The following CSRNP3 variants were observed in gnomAD, a reference collection of about 807,000 sequenced individuals.
The protein encoded by CSRNP3 is cysteine/serine-rich nuclear protein 3.
Under a neutral mutation model 48.0 loss-of-function variants are expected in CSRNP3, and 12 were observed. The ratio of observed to expected loss-of-function variants is 0.25; its 90% CI spans 0.16 to 0.41. The LOEUF is 0.41. CSRNP3 is among the 10% of genes least tolerant of loss of function. CSRNP3 has a pLI of 1.00. For synonymous variants in CSRNP3, 263 were observed against 269.7 expected (o/e 0.98, Z 0.24); for missense variants, 580 against 724.4 (o/e 0.80, Z 2.29).
intron 4 of CSRNP3, among the ~76,000 whole-genome samples, chr2:165,637,657 G>C (rs1413697621): frequency 6.6e-6 from 1 of 152,192 alleles, no homozygotes; most frequent in Non-Finnish European, 1.5e-5. Context: ...AAGTGCCAGA[G>C]TATAAGATGA....
intron 4 of CSRNP3, among the ~76,000 whole-genome samples, chr2:165,654,569 C>T (rs1686970994): frequency 6.6e-6 from 1 of 152,114 alleles, no homozygotes; most frequent in Non-Finnish European, 1.5e-5. Context: ...AGTTTCTCAT[C>T]ACTGGAATGG....
intron 3 of CSRNP3, among the ~76,000 whole-genome samples, chr2:165,582,582 G>A (rs1273990629): frequency 6.6e-6 from 1 of 152,188 alleles, no homozygotes; most frequent in Non-Finnish European, 1.5e-5. Context: ...TAGGAAGTGG[G>A]TGACCCTGAC....
chr2:165,480,579 T>C (rs1216814191), intron 1 of CSRNP3, among the ~76,000 whole-genome samples: 1 of 151,828 alleles, frequency 6.6e-6, no homozygotes, highest in Non-Finnish European at 1.5e-5. Flanking sequence ...TAGCAATATT[T>C]TTTGCCACAG....
chr2:165,659,777 C>A (rs1687067046), intron 5 of CSRNP3, among the ~76,000 whole-genome samples: 1 of 152,182 alleles, frequency 6.6e-6, no homozygotes, highest in South Asian at 2.1e-4. Context: ...GCACCATAAG[C>A]ACAGCTGGGT....
At position 165,670,118 on chromosome 2, in the gene CSRNP3, C is replaced by T. The variant is rs556103805; in HGVS notation, c.409-6194C>T. Among the ~76,000 whole-genome samples, 23 of 152,278 alleles carry T rather than the reference C, an allele frequency of 1.5e-4. 1 individual carries two copies. The South Asian group carries it at 4.8e-3, about 32-fold the overall frequency. On this transcript the variant is annotated intron_variant, in intron 5 of 6. Transcript: ENST00000651982. The stretch of plus-strand genomic sequence containing the variant: ...TTTATAGGTCAATGACTGTATCATG[C>T]TCTGTCCTATCTCAGGCCTTTGAAA...
At chr2:165,664,278 A>C (rs12692773) in intron 5 of CSRNP3, among the ~76,000 whole-genome samples, 41,993 of 152,176 alleles carry the variant, frequency 0.28, 6,109 homozygotes, top group Non-Finnish European at 0.33. Context: ...CTTGTACCAC[A>C]AAACCAGGAA....
intron 4 of CSRNP3, among the ~76,000 whole-genome samples, chr2:165,642,103 AACACACACACACACACACACAC>A (rs58624766): frequency 7.6e-6 from 1 of 132,104 alleles, no homozygotes; most frequent in Non-Finnish European, 1.7e-5. Context: ...CACACACACA[AACACACACACACACACACACAC>A]ACACACACAC....
chr2:165,593,022 C>T (rs1462142476), intron 3 of CSRNP3, among the ~76,000 whole-genome samples: 9 of 151,734 alleles, frequency 5.9e-5, no homozygotes, highest in Admixed American at 2.6e-4. Context: ...GGGATGGTCT[C>T]GATCTCCTGA....
intron 1 of CSRNP3, among the ~76,000 whole-genome samples, chr2:165,493,824 TAACTATA>T (rs1684251905): frequency 1.3e-5 from 2 of 152,182 alleles, no homozygotes; most frequent in African/African-American, 4.8e-5. Context: ...TTGTTGCAAA[TAACTATA>T]GGCAAAAGAG....
chr2:165,582,315 G>A (rs1396101703), intron 3 of CSRNP3, among the ~76,000 whole-genome samples: 1 of 152,218 alleles, frequency 6.6e-6, no homozygotes, highest in Non-Finnish European at 1.5e-5. Context: ...TATTATAAAT[G>A]GAATGAGGCT....
intron 1 of CSRNP3, among the ~76,000 whole-genome samples, chr2:165,494,243 G>A (rs1000134727): frequency 3.9e-5 from 6 of 151,974 alleles, no homozygotes; most frequent in Non-Finnish European, 8.8e-5. Flanking sequence ...TGCAGGTATC[G>A]CCATTCCTAG....
chr2:165,476,999 T>C (rs920299835), intron 1 of CSRNP3, among the ~76,000 whole-genome samples: 2 of 152,294 alleles, frequency 1.3e-5, no homozygotes, highest in Admixed American at 6.5e-5. Flanking sequence ...AAAAAATCCC[T>C]CTTGACTGGC....
intron 2 of CSRNP3, among the ~76,000 whole-genome samples, chr2:165,496,165 A>G (rs1001803763): frequency 1.3e-5 from 2 of 152,012 alleles, no homozygotes; most frequent in African/African-American, 4.8e-5. Flanking sequence ...CTGCAGTAGA[A>G]CCTATTTTAT....
intron 3 of CSRNP3, among the ~76,000 whole-genome samples, chr2:165,560,079 G>A (rs1374120965): frequency 2.0e-5 from 3 of 151,976 alleles, no homozygotes; most frequent in South Asian, 2.1e-4. Flanking sequence ...GATTACAGAC[G>A]TGAGCCAATA....
chr2:165,646,713 G>A (rs1686817387), intron 4 of CSRNP3, among the ~76,000 whole-genome samples: 1 of 152,066 alleles, frequency 6.6e-6, no homozygotes. Flanking sequence ...GGAGCCATAT[G>A]GTTCCCATTT....
intron 3 of CSRNP3, chr2:165,574,102 C>T: frequency 2.2e-6 from 1 of 454,350 alleles, no homozygotes. Context: ...CACTCCCCAT[C>T]CTGTATTCCT....
chr2:165,597,504 A>G (rs1298469721), intron 4 of CSRNP3, among the ~76,000 whole-genome samples: 1 of 152,166 alleles, frequency 6.6e-6, no homozygotes, highest in Non-Finnish European at 1.5e-5. Context: ...ATTTTTTTTA[A>G]TAATGAGGAA....
At chr2:165,553,019 C>T (rs1433276223) in intron 3 of CSRNP3, among the ~76,000 whole-genome samples, 1 of 152,108 alleles carries the variant, frequency 6.6e-6, no homozygotes, top group Non-Finnish European at 1.5e-5. Context: ...TTTGTAATAT[C>T]AACGTTCATG....
At position 165,680,024 on chromosome 2, in the gene CSRNP3, C is replaced by A; in HGVS notation, c.*271C>A. The A allele has an allele frequency of 9.5e-6, 4 of 422,754 alleles. No homozygotes were observed. Among genetic ancestry groups the A allele is most frequent in the Non-Finnish European group, 1.7e-5 (4 of 238,956 alleles). 26.2% of individuals were successfully genotyped at this position (422,754 alleles called of 1,614,324 possible). On this transcript the variant is annotated 3_prime_UTR_variant, in exon 7 of 7. Coordinates refer to ENST00000651982, the MANE Select transcript of CSRNP3 (RefSeq NM_001172173.2). Reference sequence around the variant, plus strand: ...ATCTCACAGTTGCCTACCTGTCAAACTGTGTGAAACCTGCCAATCTGTGTA... The same window carrying A: ...ATCTCACAGTTGCCTACCTGTCAAAATGTGTGAAACCTGCCAATCTGTGTA...
Sources: allele counts gnomAD v4.1 joint callset (sites outside exome capture counted in the v4.1 genomes callset), GRCh38; gene constraint gnomAD v4.1.1; transcripts MANE v1.5; gene names NCBI Gene and HGNC (gene_info 2026-07-23, HGNC 2026-07-21).